The following CDH13 variants were observed in gnomAD, a reference collection of about 807,000 sequenced individuals.
CDH13 encodes the protein cadherin-13.
A neutral mutation model predicts 63.8 loss-of-function variants in CDH13; 24 were observed. The ratio of observed to expected loss-of-function variants is 0.38; its 90% confidence interval spans 0.27 to 0.53. The LOEUF is 0.53. Ranked by LOEUF, CDH13 falls within the 20% of genes least tolerant of loss-of-function variation. The pLI, the probability that CDH13 is intolerant of heterozygous loss-of-function variation, is 0.85. For missense variants in CDH13, 1,049 were observed against 903.1 expected (o/e 1.16, Z -2.07); for synonymous variants, 503 against 355.3 (o/e 1.42, Z -4.67).
At position 83,133,782 on chromosome 16, in the gene CDH13, A is replaced by T. The variant is rs1053465588; in HGVS notation, c.483+8281A>T. On this transcript the variant is annotated intron_variant, in intron 4 of 13. Transcript: ENST00000567109. ...CCAAAGTGCTGGGATTACAGGTGTGACCCACTGAGCCCGGCCCATGGAATT... is the reference window on the plus strand; with the variant it reads ...CCAAAGTGCTGGGATTACAGGTGTGTCCCACTGAGCCCGGCCCATGGAATT... Among the ~76,000 whole-genome samples, 3 of 152,158 alleles carry T rather than the reference A, an allele frequency of 2.0e-5. No homozygotes were observed. The East Asian group carries it at 5.8e-4, about 29-fold the overall frequency.
chr16:83,436,980 CTT>C (rs1365975903), intron 6 of CDH13, among the ~76,000 whole-genome samples: 4 of 152,258 alleles, frequency 2.6e-5, no homozygotes, highest in African/African-American at 9.6e-5. Context: ...TGGTGAAACT[CTT>C]TCTTGATTTT....
At chr16:82,933,704 G>C (rs531966332) in intron 2 of CDH13, among the ~76,000 whole-genome samples, 1 of 152,254 alleles carries the variant, frequency 6.6e-6, no homozygotes, top group South Asian at 2.1e-4. Flanking sequence ...AGATACAATG[G>C]AGATACAGGC....
At chr16:82,758,135 G>T (rs1429180304) in intron 1 of CDH13, among the ~76,000 whole-genome samples, 1 of 152,002 alleles carries the variant, frequency 6.6e-6, no homozygotes, top group Non-Finnish European at 1.5e-5. Context: ...CATTTTCCTT[G>T]GACCAATTGG....
intron 7 of CDH13, among the ~76,000 whole-genome samples, chr16:83,568,340 G>C (rs1904306862): frequency 6.6e-6 from 1 of 152,098 alleles, no homozygotes; most frequent in Non-Finnish European, 1.5e-5. Context: ...TTATCTCCTA[G>C]GAAGAAAACA....
intron 5 of CDH13, among the ~76,000 whole-genome samples, chr16:83,332,570 G>C (rs1314471174): frequency 5.9e-5 from 9 of 152,204 alleles, no homozygotes; most frequent in African/African-American, 2.2e-4. Flanking sequence ...TCTCTCTGCT[G>C]GCTTTGTTTT....
Position 82,761,822 on chromosome 16 carries a change from A to G in CDH13, c.46-96540A>G, listed in dbSNP as rs931382027. 4.6e-5 allele frequency among the ~76,000 whole-genome samples: 7 copies of G among 152,284 alleles called. No homozygotes were observed. In the South Asian group the frequency reaches 1.2e-3, roughly 27 times the overall value. On this transcript the variant is annotated intron_variant, in intron 1 of 13. Coordinates refer to ENST00000567109, the MANE Select transcript of CDH13 (RefSeq NM_001257.5). ...GAAGTGATGTCTAAAAGATTTTTTTATCATGACTTATGATTTTTTATACAC... is the reference window on the plus strand; with the variant it reads ...GAAGTGATGTCTAAAAGATTTTTTTGTCATGACTTATGATTTTTTATACAC...
intron 1 of CDH13, among the ~76,000 whole-genome samples, chr16:82,703,622 C>T (rs536640143): frequency 6.6e-6 from 1 of 152,172 alleles, no homozygotes; most frequent in Non-Finnish European, 1.5e-5. Context: ...AAATAAGCTA[C>T]TTACATTCGA....
intron 10 of CDH13, among the ~76,000 whole-genome samples, chr16:83,683,976 C>T (rs1248184423): frequency 2.0e-5 from 3 of 152,318 alleles, no homozygotes; most frequent in South Asian, 2.1e-4. Flanking sequence ...CCACTTTCAG[C>T]GTAGCAACCG....
chr16:83,282,830 A>G (rs2089213783), intron 5 of CDH13, among the ~76,000 whole-genome samples: 1 of 152,108 alleles, frequency 6.6e-6, no homozygotes, highest in East Asian at 1.9e-4. Flanking sequence ...ATCAAAGCAT[A>G]TTTTCATCCT....
intron 1 of CDH13, among the ~76,000 whole-genome samples, chr16:82,815,499 A>G (rs927859386): frequency 6.6e-6 from 1 of 152,200 alleles, no homozygotes; most frequent in Non-Finnish European, 1.5e-5. Context: ...TGGAACATGG[A>G]AAACACTCCC....
chr16:82,786,195 G>A (rs952007873), intron 1 of CDH13, among the ~76,000 whole-genome samples: 1 of 152,168 alleles, frequency 6.6e-6, no homozygotes, highest in Non-Finnish European at 1.5e-5. Context: ...GTTAAGTTTA[G>A]AAGTAGAAGG....
At chr16:83,617,908 A>G (rs1038213904) in intron 8 of CDH13, among the ~76,000 whole-genome samples, 1 of 152,196 alleles carries the variant, frequency 6.6e-6, no homozygotes, top group Non-Finnish European at 1.5e-5. Flanking sequence ...TAAATATGCA[A>G]TATTCAACTT....
intron 5 of CDH13, among the ~76,000 whole-genome samples, chr16:83,292,906 G>C (rs549401936): frequency 1.3e-5 from 2 of 152,072 alleles, no homozygotes; most frequent in Non-Finnish European, 1.5e-5. Context: ...TCAGAAAACA[G>C]CATTTTACAA....
At chr16:83,299,961 C>T (rs1257349731) in intron 5 of CDH13, among the ~76,000 whole-genome samples, 1 of 152,198 alleles carries the variant, frequency 6.6e-6, no homozygotes, top group Admixed American at 6.5e-5. Flanking sequence ...TACCTGCAAG[C>T]TCACTTGATT....
At chr16:82,747,691 C>A (rs915349043) in intron 1 of CDH13, among the ~76,000 whole-genome samples, 4 of 143,344 alleles carry the variant, frequency 2.8e-5, no homozygotes, top group Non-Finnish European at 6.3e-5. Flanking sequence ...AAACAGAAAT[C>A]TTAGAGGCTT....
intron 2 of CDH13, among the ~76,000 whole-genome samples, chr16:82,860,950 C>T (rs17740985): frequency 0.021 from 3,145 of 152,166 alleles, 47 homozygotes; most frequent in Non-Finnish European, 0.03. Flanking sequence ...GTTTATTTTG[C>T]GTATTTCTTA....
rs747225716 is a variant in CDH13, at chr16:83,180,967, C to A, written c.484-36378C>A. The A allele has an allele frequency of 2.6e-6, 4 of 1,531,676 alleles. No homozygotes were observed. In the South Asian group the frequency reaches 4.8e-5, roughly 19 times the overall value. The allele number at this position is 1,531,676 out of a possible 1,614,324, so 94.9% of individuals were successfully genotyped here. ...ACAATTTTAGCAATTTAATGAACAT[C>A]CTATTTGGCGACATTATTGCTTTAA... is the stretch of plus-strand genomic sequence containing the variant. On this transcript the variant is annotated intron_variant, in intron 4 of 13. Transcript: ENST00000567109.
intron 2 of CDH13, among the ~76,000 whole-genome samples, chr16:82,909,347 G>C (rs2041752925): frequency 6.6e-6 from 1 of 151,802 alleles, no homozygotes; most frequent in South Asian, 2.1e-4. Context: ...GTAATTATGT[G>C]AGGTAAATAA....
intron 1 of CDH13, among the ~76,000 whole-genome samples, chr16:82,839,073 A>G (rs377417885): frequency 6.6e-5 from 10 of 152,240 alleles, no homozygotes; most frequent in African/African-American, 9.6e-5. Flanking sequence ...AAAACTGACA[A>G]TAGGCTAAGA....
Sources: gnomAD v4.1 joint callset for allele counts (sites outside exome capture counted in the v4.1 genomes callset) on GRCh38, gnomAD v4.1.1 for gene constraint, MANE v1.5 for transcripts, NCBI Gene and HGNC (gene_info 2026-07-23, HGNC 2026-07-21) for gene names.